Variants in FAM184A observed in about 807,000 individuals in gnomAD.
The protein encoded by FAM184A is protein FAM184A.
Under a neutral mutation model 143.8 loss-of-function variants are expected in FAM184A, and 99 were observed. The ratio of observed to expected loss-of-function variants is 0.69; its 90% CI spans 0.58 to 0.81. The LOEUF (loss-of-function observed/expected upper bound fraction) is 0.81, where lower values mean the gene tolerates loss of function less well. FAM184A is among the 40% of genes least tolerant of loss of function. The pLI is 0.00. For missense variants in FAM184A, 1,217 were observed against 1,310.5 expected (o/e 0.93, Z 1.10); for synonymous variants, 427 against 446.4 (o/e 0.96, Z 0.55).
intron 9 of FAM184A, among the ~76,000 whole-genome samples, chr6:119,002,087 T>C (rs1349233093): frequency 6.6e-6 from 1 of 152,158 alleles, no homozygotes; most frequent in Non-Finnish European, 1.5e-5. Context: ...TGAAAGACAC[T>C]GCATGTATGT....
At chr6:119,000,290 GAAGAAT>G (rs1784708893) in intron 9 of FAM184A, among the ~76,000 whole-genome samples, 1 of 152,180 alleles carries the variant, frequency 6.6e-6, no homozygotes, top group Non-Finnish European at 1.5e-5. Context: ...GGATAGAGTT[GAAGAAT>G]AAGAATGTAG....
chr6:119,091,629 G>T (rs1223853899), intron 1 of FAM184A, among the ~76,000 whole-genome samples: 5 of 152,152 alleles, frequency 3.3e-5, no homozygotes, highest in Non-Finnish European at 7.3e-5. Flanking sequence ...TAAGCTGTCA[G>T]ATAATAATCC....
intron 5 of FAM184A, among the ~76,000 whole-genome samples, chr6:119,015,672 G>A (rs1025802870): frequency 5.3e-5 from 8 of 152,180 alleles, no homozygotes; most frequent in East Asian, 1.9e-4. Flanking sequence ...GCTCCACGGC[G>A]CCCAGTCCCA....
chr6:119,010,403 A>AT lies in FAM184A; in HGVS notation c.1653+905dup, dbSNP rs968678142. Among the ~76,000 whole-genome samples, 8 of 152,162 alleles carry AT rather than the reference A, an allele frequency of 5.3e-5. No homozygotes were observed. The South Asian group carries it at 6.2e-4, about 12-fold the overall frequency. ...TCGTTATTAACACTGCATGGTCTCA[A>AT]TTTTTTTATCATTGTTAATTTTATG... On this transcript the variant is annotated intron_variant, in intron 6 of 17. Coordinates refer to ENST00000338891, the MANE Select transcript of FAM184A (RefSeq NM_024581.6).
At chr6:119,094,441 A>G (rs1442636954) in intron 1 of FAM184A, among the ~76,000 whole-genome samples, 3 of 152,286 alleles carry the variant, frequency 2.0e-5, no homozygotes, top group Non-Finnish European at 2.9e-5. Context: ...CCAGTATTAG[A>G]TACTATATAA....
intron 1 of FAM184A, among the ~76,000 whole-genome samples, chr6:119,043,077 A>T (rs939722480): frequency 2.7e-4 from 38 of 142,166 alleles, no homozygotes; most frequent in South Asian, 6.2e-4. Context: ...TCAATTTATT[A>T]AAAATAAATC....
chr6:118,964,976 C>G (rs546677344), intron 15 of FAM184A, among the ~76,000 whole-genome samples: 1 of 152,158 alleles, frequency 6.6e-6, no homozygotes, highest in African/African-American at 2.4e-5. Context: ...AACCCCATAC[C>G]CGAGCACTTG....
intron 5 of FAM184A, among the ~76,000 whole-genome samples, chr6:119,013,045 TCA>T (rs1277486111): frequency 1.3e-5 from 2 of 152,010 alleles, no homozygotes; most frequent in Admixed American, 6.6e-5. Flanking sequence ...CAGCTCAGGT[TCA>T]GACATGAGGT....
At chr6:119,053,270 C>T (rs897425415) in intron 1 of FAM184A, among the ~76,000 whole-genome samples, 6 of 152,164 alleles carry the variant, frequency 3.9e-5, no homozygotes, top group African/African-American at 1.2e-4. Context: ...TATCTTCAAT[C>T]AAGGTTTATA....
Position 119,129,282 on chromosome 6 carries a change from T to A in FAM184A, c.-202+19796A>T, listed in dbSNP as rs569941398. On this transcript the variant is annotated intron_variant, in intron 1 of 16. Coordinates refer to the FAM184A transcript ENST00000352896. Reference sequence around the variant, plus strand: ...TCAGGACCTCCTGAGGATCTGTGGCTGGGCAGAGACACCTAAATGTGATCT... The same window carrying A: ...TCAGGACCTCCTGAGGATCTGTGGCAGGGCAGAGACACCTAAATGTGATCT... Among the ~76,000 whole-genome samples, 19 of 152,360 alleles carry A rather than the reference T, an allele frequency of 1.2e-4. No individual in the cohort carries two copies. In the South Asian group the frequency reaches 2.3e-3, roughly 18 times the overall value.
intron 1 of FAM184A, among the ~76,000 whole-genome samples, chr6:119,118,749 C>T (rs993570394): frequency 1.3e-5 from 2 of 151,782 alleles, no homozygotes; most frequent in African/African-American, 2.4e-5. Context: ...GTGATGATTG[C>T]GTTAACAGCA....
At chr6:119,096,726 G>A (rs1788521362) in intron 1 of FAM184A, among the ~76,000 whole-genome samples, 1 of 152,044 alleles carries the variant, frequency 6.6e-6, no homozygotes, top group Non-Finnish European at 1.5e-5. Flanking sequence ...GGTCTAGGCT[G>A]AGATTCAGTA....
intron 9 of FAM184A, among the ~76,000 whole-genome samples, chr6:118,984,566 A>G (rs1784131786): frequency 6.6e-6 from 1 of 152,212 alleles, no homozygotes; most frequent in Non-Finnish European, 1.5e-5. Context: ...GTGAAACATC[A>G]AATCTGAGGT....
intron 9 of FAM184A, among the ~76,000 whole-genome samples, chr6:118,993,134 T>G (rs1784429897): frequency 6.6e-6 from 1 of 152,212 alleles, no homozygotes; most frequent in South Asian, 2.1e-4. Context: ...GCCTATATAA[T>G]AGTCAATTTG....
At position 118,979,350 on chromosome 6, in the gene FAM184A, A is replaced by G. The variant is rs780340060; in HGVS notation, c.2455+15T>C. 1 of 1,589,872 alleles carries G rather than the reference A, an allele frequency of 6.3e-7. No individual in the cohort carries two copies. Among genetic ancestry groups the G allele is most frequent in the East Asian group, 2.2e-5 (1 of 44,696 alleles). ...TACATATGAATATGACAAGATTGTA[A>G]TCTTTTCAAAATACCAAGCATAGCC... On this transcript the variant is annotated intron_variant, in intron 11 of 17. Transcript: ENST00000338891.
intron 1 of FAM184A, among the ~76,000 whole-genome samples, chr6:119,101,772 T>A (rs1788643424): frequency 6.6e-6 from 1 of 152,096 alleles, no homozygotes; most frequent in South Asian, 2.1e-4. Flanking sequence ...GAATAAAGGA[T>A]AGGCTGGGTG....
At chr6:118,990,639 G>A (rs952262895) in intron 9 of FAM184A, among the ~76,000 whole-genome samples, 2 of 152,022 alleles carry the variant, frequency 1.3e-5, no homozygotes, top group African/African-American at 4.8e-5. Flanking sequence ...GCCGAAGCAG[G>A]TGGATCACTT....
intron 1 of FAM184A, among the ~76,000 whole-genome samples, chr6:119,033,648 G>C (rs1053318729): frequency 6.8e-6 from 1 of 146,860 alleles, no homozygotes; most frequent in Non-Finnish European, 1.5e-5. Context: ...CCGGACGACA[G>C]AGTGAGACTC....
chr6:118,962,155 C>T, intron 16 of FAM184A, 192 bp from the exon 17 acceptor site: 1 of 589,850 alleles, frequency 1.7e-6, no homozygotes. Flanking sequence ...ACATGGAATC[C>T]TCAAAGACAG....
Sources: gnomAD v4.1 joint callset for allele counts (sites outside exome capture counted in the v4.1 genomes callset) on GRCh38, gnomAD v4.1.1 for gene constraint, MANE v1.5 for transcripts, NCBI Gene and HGNC (gene_info 2026-07-23, HGNC 2026-07-21) for gene names.